Variants in NMNAT1 observed in about 807,000 individuals in gnomAD.
NMNAT1 encodes nicotinamide nucleotide adenylyltransferase 1.
In NMNAT1, 11 loss-of-function variants were observed where a neutral mutation model predicts 16.7. That is an observed-to-expected ratio of 0.66 (90% CI 0.41 to 1.09). The LOEUF is 1.09. NMNAT1 is among the 50% of genes least tolerant of loss of function. The probability of loss-of-function intolerance (pLI) is 0.00; values close to 1 mark genes in which losing one functional copy is unlikely to be tolerated. For synonymous variants in NMNAT1, 110 were observed against 119.8 expected (o/e 0.92, Z 0.53); for missense variants, 280 against 332.3 (o/e 0.84, Z 1.22).
chr1:9,952,117 T>G (rs1197100004), intron 1 of NMNAT1, among the ~76,000 whole-genome samples: 1 of 151,744 alleles, frequency 6.6e-6, no homozygotes, highest in Non-Finnish European at 1.5e-5. Context: ...GCTAACACAG[T>G]GAAACCCCAT....
rs1335827118 is a variant in NMNAT1, at chr1:9,984,536, C to T, written c.*1835C>T. ...TAATGGAAGTTAGAACAATGAATTT[C>T]ACAGGGGAATAAATATTAATGACTG... On this transcript the variant is annotated 3_prime_UTR_variant, in exon 5 of 5. Coordinates refer to ENST00000377205, the MANE Select transcript of NMNAT1 (RefSeq NM_022787.4). 1 of 152,176 alleles carries T rather than the reference C, an allele frequency of 6.6e-6. No individual in the cohort carries two copies. The highest frequency in any genetic ancestry group is 1.5e-5 in the Non-Finnish European group (1 of 68,042). 9.4% of individuals were successfully genotyped at this position (152,176 alleles called of 1,614,324 possible).
intron 1 of NMNAT1, among the ~76,000 whole-genome samples, chr1:9,962,117 T>C (rs960891165): frequency 6.6e-6 from 1 of 152,034 alleles, no homozygotes; most frequent in Non-Finnish European, 1.5e-5. Flanking sequence ...GTGGCTGCTT[T>C]TCCTATCTTG....
chr1:9,955,865 A>G (rs1376433597), intron 1 of NMNAT1: 1 of 152,170 alleles, frequency 6.6e-6, no homozygotes, highest in South Asian at 2.1e-4. Context: ...CAGGTTGTAC[A>G]GGAGAGATTG....
chr1:9,969,122 T>C (rs1265356560), intron 1 of NMNAT1, among the ~76,000 whole-genome samples: 1 of 151,786 alleles, frequency 6.6e-6, no homozygotes, highest in African/African-American at 2.4e-5. Context: ...TCTTGTAGAG[T>C]CTGACTAATC....
the NMNAT1 span, among the ~76,000 whole-genome samples, chr1:9,994,714 G>GC: frequency 6.7e-6 from 1 of 149,280 alleles, no homozygotes; most frequent in Non-Finnish European, 1.5e-5. Context: ...CTGGGTTCAC[G>GC]CATTCTCCTG....
At chr1:9,978,659 C>T (rs78512762) in intron 3 of NMNAT1, among the ~76,000 whole-genome samples, 2,223 of 152,266 alleles carry the variant, frequency 0.015, 67 homozygotes, top group African/African-American at 0.05. Flanking sequence ...CAGCCCTACC[C>T]GACCCTCTGG....
intron 4 of NMNAT1, 139 bp from the exon 5 acceptor site, chr1:9,982,162 C>A: frequency 8.5e-7 from 1 of 1,178,182 alleles, no homozygotes; most frequent in Non-Finnish European, 1.2e-6. Flanking sequence ...CGCACTCGGC[C>A]TAAGCCCTCA....
chr1:9,989,078 C>G (rs1334766915), downstream of NMNAT1, among the ~76,000 whole-genome samples: 1 of 152,050 alleles, frequency 6.6e-6, no homozygotes, highest in Non-Finnish European at 1.5e-5. Flanking sequence ...GATACTATGG[C>G]CCAAAGTGAG....
At chr1:9,993,838 T>C in the NMNAT1 span, among the ~76,000 whole-genome samples, 1 of 152,120 alleles carries the variant, frequency 6.6e-6, no homozygotes, top group Non-Finnish European at 1.5e-5. Context: ...TCTTACACTT[T>C]CTAGCTTAGC....
chr1:9,964,365 CCTT>C (rs1231105999), intron 1 of NMNAT1, among the ~76,000 whole-genome samples: 27 of 151,376 alleles, frequency 1.8e-4, no homozygotes, highest in African/African-American at 6.1e-4. Context: ...AAATGAGACT[CCTT>C]CTCTACAAAA....
intron 1 of NMNAT1, among the ~76,000 whole-genome samples, chr1:9,965,837 A>G (rs1289579465): frequency 6.6e-6 from 1 of 151,960 alleles, no homozygotes; most frequent in African/African-American, 2.4e-5. Flanking sequence ...AGATTTAAAA[A>G]ATATAGCCAG....
At chr1:9,981,372 C>A in intron 4 of NMNAT1, 1 of 642,226 alleles carries the variant, frequency 1.6e-6, no homozygotes, top group South Asian at 2.1e-5. Context: ...GCAGCTGGGA[C>A]TACAGGTGCC....
chr1:9,946,008 C>T (rs548497023), intron 1 of NMNAT1, among the ~76,000 whole-genome samples: 17 of 152,170 alleles, frequency 1.1e-4, no homozygotes, highest in Non-Finnish European at 2.2e-4. Flanking sequence ...CCCACCTTGG[C>T]CCCGCAAAGT....
chr1:9,965,215 G>A (rs1322995200), intron 1 of NMNAT1, among the ~76,000 whole-genome samples: 1 of 149,012 alleles, frequency 6.7e-6, no homozygotes, highest in Non-Finnish European at 1.5e-5. Flanking sequence ...TGCTCAGGAG[G>A]CTGAGGCAGG....
At chr1:9,954,845 C>G (rs765879929) in intron 1 of NMNAT1, among the ~76,000 whole-genome samples, 2 of 151,146 alleles carry the variant, frequency 1.3e-5, no homozygotes, top group Non-Finnish European at 2.9e-5. Context: ...GCACGAGAAT[C>G]GCTTGAACCC....
intron 1 of NMNAT1, among the ~76,000 whole-genome samples, chr1:9,971,130 G>A (rs533319579): frequency 9.9e-5 from 15 of 152,150 alleles, no homozygotes; most frequent in African/African-American, 2.4e-4. Context: ...TGGGAGCATC[G>A]GTGCTCTCCC....
At chr1:9,975,905 C>A in intron 3 of NMNAT1, 130 bp downstream of exon 3, 1 of 715,858 alleles carries the variant, frequency 1.4e-6, no homozygotes, top group Non-Finnish European at 2.3e-6. Context: ...TGTTGTAAGC[C>A]ATTCCTGTGG....
chr1:9,994,959 G>A, the NMNAT1 span, among the ~76,000 whole-genome samples: 2 of 152,026 alleles, frequency 1.3e-5, no homozygotes, highest in Non-Finnish European at 2.9e-5. Flanking sequence ...TGTTGACCAG[G>A]CTGGTCTCAA....
chr1:9,957,041 A>G (rs545124551), intron 1 of NMNAT1, among the ~76,000 whole-genome samples: 9 of 144,160 alleles, frequency 6.2e-5, no homozygotes, highest in African/African-American at 2.3e-4. Context: ...TTTTATTTTT[A>G]TTTTTGAGGT....
Sources: gnomAD v4.1 joint callset for allele counts (sites outside exome capture counted in the v4.1 genomes callset) on GRCh38, gnomAD v4.1.1 for gene constraint, MANE v1.5 for transcripts, NCBI Gene and HGNC (gene_info 2026-07-23, HGNC 2026-07-21) for gene names.